Variants in THSD4 observed in about 807,000 individuals in gnomAD.
THSD4 encodes thrombospondin type 1 domain containing 4, also known as thrombospondin type-1 domain-containing protein 4.
In THSD4, 69 loss-of-function variants were observed where a neutral mutation model predicts 119.0. The ratio of observed to expected loss-of-function variants is 0.58; its 90% CI spans 0.48 to 0.71. The LOEUF is 0.71. Among genes scored for constraint, THSD4 ranks in the 30% least tolerant of loss-of-function variants. The pLI is 0.00. For missense variants in THSD4, 1,393 were observed against 1,391.1 expected (o/e 1.00, Z -0.02); for synonymous variants, 524 against 540.4 (o/e 0.97, Z 0.42).
At chr15:71,231,417 A>T (rs1487242896) in intron 4 of THSD4, among the ~76,000 whole-genome samples, 1 of 152,064 alleles carries the variant, frequency 6.6e-6, no homozygotes, top group Non-Finnish European at 1.5e-5. Flanking sequence ...TTCCTGGTGC[A>T]AAAAAAGCCC....
rs141351751 is a variant in THSD4 at position 71,109,410 on chromosome 15, C to T, written c.-80+12404C>T. On this transcript the variant is annotated intron_variant, in intron 1 of 17. Coordinates refer to the THSD4 transcript ENST00000355327. ...CTTCTCTGAGTATGTCATCTTTTCC[C>T]AGATGGATCCAAAACGAGCCACATA... Among the ~76,000 whole-genome samples, 261 of 152,260 alleles carry T rather than the reference C, an allele frequency of 1.7e-3. 2 individuals carry two copies. The highest frequency in any genetic ancestry group is 6.2e-3 in the African/African-American group (257 of 41,556).
chr15:71,662,443 T>G (rs1567088255), intron 8 of THSD4, among the ~76,000 whole-genome samples: 2 of 152,224 alleles, frequency 1.3e-5, no homozygotes, highest in Non-Finnish European at 2.9e-5. Context: ...TGTTTCCTCC[T>G]TTCTTTTGTA....
chr15:71,586,579 C>A (rs1468462598), intron 7 of THSD4, among the ~76,000 whole-genome samples: 2 of 152,164 alleles, frequency 1.3e-5, no homozygotes, highest in African/African-American at 2.4e-5. Flanking sequence ...CAATCAGAAA[C>A]AGCATGCTAA....
At chr15:71,697,184 A>G (rs1156757954) in intron 8 of THSD4, among the ~76,000 whole-genome samples, 1 of 152,196 alleles carries the variant, frequency 6.6e-6, no homozygotes, top group African/African-American at 2.4e-5. Context: ...TGCCAGAGAG[A>G]ATACCGGAAG....
At chr15:71,597,230 G>A (rs1244235321) in intron 7 of THSD4, among the ~76,000 whole-genome samples, 1 of 152,052 alleles carries the variant, frequency 6.6e-6, no homozygotes, top group African/African-American at 2.4e-5. Context: ...GGTGCTACCC[G>A]GAATCTCCTG....
chr15:71,166,861 G>C (rs1179874251), intron 3 of THSD4: 1 of 152,146 alleles, frequency 6.6e-6, no homozygotes. Context: ...CACATCTTGG[G>C]ATATGGTACC....
chr15:71,411,850 T>G, intron 7 of THSD4, 27 bp downstream of exon 7: 1 of 1,612,748 alleles, frequency 6.2e-7, no homozygotes, highest in South Asian at 1.1e-5. Context: ...TGGGGTGAAT[T>G]CTTAAGGTGT....
At chr15:71,492,211 A>G (rs1245986924) in intron 7 of THSD4, among the ~76,000 whole-genome samples, 2 of 151,936 alleles carry the variant, frequency 1.3e-5, no homozygotes, top group Non-Finnish European at 2.9e-5. Flanking sequence ...ATGGGACACC[A>G]TTAGTCTAAG....
At chr15:71,233,636 AT>A (rs1352713482) in intron 4 of THSD4, among the ~76,000 whole-genome samples, 19 of 152,202 alleles carry the variant, frequency 1.2e-4, no homozygotes, top group African/African-American at 4.1e-4. Context: ...GTACTCCAAT[AT>A]CTGAATGCAC....
chr15:71,114,655 C>A (rs1379206350), upstream of THSD4, among the ~76,000 whole-genome samples: 2 of 152,162 alleles, frequency 1.3e-5, no homozygotes, highest in African/African-American at 2.4e-5. Context: ...TTTGGTCATG[C>A]CCTTTTGGGG....
chr15:71,167,089 T>A (rs747261765), intron 3 of THSD4: 1 of 152,226 alleles, frequency 6.6e-6, no homozygotes, highest in Non-Finnish European at 1.5e-5. Context: ...TTCTTTTTGA[T>A]GTTTTATCAG....
At chr15:71,099,086 T>C (rs2040243528) in intron 1 of THSD4, among the ~76,000 whole-genome samples, 2 of 152,166 alleles carry the variant, frequency 1.3e-5, no homozygotes, top group South Asian at 4.1e-4. Context: ...GAGTCAGGGA[T>C]GGGTTAGAGG....
intron 8 of THSD4, among the ~76,000 whole-genome samples, chr15:71,704,886 G>A (rs1353729704): frequency 6.6e-6 from 1 of 152,196 alleles, no homozygotes; most frequent in African/African-American, 2.4e-5. Context: ...TGAACGAGAA[G>A]TACATAGTGA....
intron 7 of THSD4, among the ~76,000 whole-genome samples, chr15:71,425,107 G>A (rs572499037): frequency 1.5e-4 from 23 of 152,272 alleles, no homozygotes; most frequent in African/African-American, 5.1e-4. Flanking sequence ...AGGGGAGGAA[G>A]GTGTTGAAGC....
At chr15:71,426,680 C>A (rs1445745969) in intron 7 of THSD4, among the ~76,000 whole-genome samples, 1 of 152,160 alleles carries the variant, frequency 6.6e-6, no homozygotes, top group Non-Finnish European at 1.5e-5. Flanking sequence ...CAAATTCCAA[C>A]TTAATGTGAC....
intron 3 of THSD4, among the ~76,000 whole-genome samples, chr15:71,162,135 C>A (rs568771035): frequency 5.8e-4 from 88 of 152,026 alleles, no homozygotes; most frequent in African/African-American, 2.1e-3. Flanking sequence ...GGCTTTAAAC[C>A]TTCATACTAG....
rs114408051 is a variant in THSD4 at position 71,547,718 on chromosome 15, G to A, written c.1153-112812G>A. On this transcript the variant is annotated intron_variant, in intron 7 of 17. Coordinates refer to ENST00000261862, the MANE Select transcript of THSD4 (RefSeq NM_024817.3). ...GCTGTCTGTGCAGTTGCCACACTGG[G>A]AAGTTGCTCTGGCCTTGGTGACAGA... is the stretch of plus-strand genomic sequence containing the variant. 1.4e-3 allele frequency: 596 copies of A among 419,018 alleles called. 7 individuals carry two copies. Among genetic ancestry groups the A allele is most frequent in the African/African-American group, 0.011 (539 of 48,072 alleles). 26.0% of individuals were successfully genotyped at this position (419,018 alleles called of 1,614,324 possible).
At position 71,395,072 on chromosome 15, in the gene THSD4, A is replaced by G. The variant is rs545444635; in HGVS notation, c.1016-16615A>G. On this transcript the variant is annotated intron_variant, in intron 6 of 17. Transcript: ENST00000261862. ...AATGCCTTTGCTGTGTTTCTGTAAC[A>G]ATGAGGAGAACCATTGAGTAGTTAC... is the stretch of plus-strand genomic sequence containing the variant. Among the ~76,000 whole-genome samples the G allele has an allele frequency of 2.0e-5, 3 of 152,280 alleles. No individual in the cohort carries two copies. The South Asian group carries it at 6.2e-4, about 32-fold the overall frequency.
rs561416867 is a variant in THSD4, at chr15:71,402,019, G to A, written c.1016-9668G>A. The stretch of plus-strand genomic sequence containing the variant: ...TCTCAAGGACAGAAAATCAAACACC[G>A]CATGTTCTCACTCATAGGTGGGAAT... On this transcript the variant is annotated intron_variant, in intron 6 of 17. Transcript: ENST00000261862. Among the ~76,000 whole-genome samples the A allele has an allele frequency of 9.5e-4, 143 of 150,558 alleles. 5 individuals carry two copies. In the South Asian group the frequency reaches 0.028, roughly 30 times the overall value.
Sources: gnomAD v4.1 joint callset for allele counts (sites outside exome capture counted in the v4.1 genomes callset) on GRCh38, gnomAD v4.1.1 for gene constraint, MANE v1.5 for transcripts, NCBI Gene and HGNC (gene_info 2026-07-23, HGNC 2026-07-21) for gene names.